STK32B: variants seen among roughly 807,000 people sequenced by gnomAD.
STK32B encodes serine/threonine-protein kinase 32B.
STK32B carries 43 observed loss-of-function variants against 52.6 expected under a neutral mutation model. The observed-to-expected ratio is 0.82, with a 90% CI of 0.64 to 1.05. The LOEUF is 1.05. Among genes scored for constraint, STK32B ranks in the 50% least tolerant of loss-of-function variants. STK32B has a pLI of 0.00. For missense variants in STK32B, 621 were observed against 534.6 expected, an observed-to-expected ratio of 1.16 and a Z score of -1.59; for synonymous variants, 238 against 204.3, an observed-to-expected ratio of 1.17 and a Z score of -1.41.
intron 3 of STK32B, among the ~76,000 whole-genome samples, chr4:5,171,796 G>T (rs1288944738): frequency 6.7e-6 from 1 of 149,586 alleles, no homozygotes; most frequent in Non-Finnish European, 1.5e-5. Flanking sequence ...TGTGGGCTCT[G>T]TTTTGGTTCC....
At chr4:5,353,967 G>C (rs955259138) in intron 4 of STK32B, among the ~76,000 whole-genome samples, 1 of 152,204 alleles carries the variant, frequency 6.6e-6, no homozygotes, top group Non-Finnish European at 1.5e-5. Context: ...CAATTGCGAA[G>C]ATACGGAATC....
At chr4:5,266,794 G>C (rs1347936957) in intron 3 of STK32B, among the ~76,000 whole-genome samples, 1 of 152,118 alleles carries the variant, frequency 6.6e-6, no homozygotes, top group East Asian at 1.9e-4. Flanking sequence ...TTGTGTCTTT[G>C]CAGAGAATAG....
intron 6 of STK32B, among the ~76,000 whole-genome samples, chr4:5,418,660 G>C (rs1712362497): frequency 6.6e-6 from 1 of 152,224 alleles, no homozygotes; most frequent in South Asian, 2.1e-4. Context: ...ACTGGGATGA[G>C]GAGTCCACCA....
At chr4:5,101,213 A>AT (rs923259656) in intron 1 of STK32B, among the ~76,000 whole-genome samples, 1 of 152,066 alleles carries the variant, frequency 6.6e-6, no homozygotes, top group African/African-American at 2.4e-5. Context: ...AGAGGACAAG[A>AT]TTTTTTTCAG....
At chr4:5,179,732 G>A (rs977340914) in intron 3 of STK32B, among the ~76,000 whole-genome samples, 4 of 152,322 alleles carry the variant, frequency 2.6e-5, no homozygotes, top group Admixed American at 6.5e-5. Flanking sequence ...TTGTTATGAA[G>A]GAGAAAAACC....
chr4:5,144,372 T>C (rs1577102734), intron 2 of STK32B, among the ~76,000 whole-genome samples: 1 of 152,300 alleles, frequency 6.6e-6, no homozygotes, highest in East Asian at 1.9e-4. Flanking sequence ...AAATGTTGAT[T>C]CTTTTGTTGC....
At chr4:5,498,798 C>A in intron 11 of STK32B, 147 bp from the exon 12 acceptor site, 1 of 1,225,852 alleles carries the variant, frequency 8.2e-7, no homozygotes, top group Admixed American at 3.4e-5. Context: ...TGCACAGCAC[C>A]GTGGATGCCT....
Position 5,051,562 on chromosome 4 carries a change from G to A in STK32B, c.-302G>A, listed in dbSNP as rs1032441383. 22 of 384,538 alleles carry A rather than the reference G, an allele frequency of 5.7e-5. No homozygotes were observed. The highest frequency in any genetic ancestry group is 9.7e-5 in the Non-Finnish European group (21 of 217,362). The allele number at this position is 384,538 out of a possible 1,614,324, so 23.8% of individuals were successfully genotyped here. A position where few individuals can be genotyped will look rare whatever the true frequency, so the allele number is the denominator to read the frequency against. ...CGAGGAGCGCCGCACGTTGGCCCCG[G>A]CGCGAGGAGCTCCCGGGTTCCCGGG... On this transcript the variant is annotated 5_prime_UTR_variant, in exon 1 of 12. Transcript: ENST00000282908.
At chr4:5,028,472 G>T in the STK32B span, among the ~76,000 whole-genome samples, 429 of 152,324 alleles carry the variant, frequency 2.8e-3, 2 homozygotes, top group South Asian at 7.5e-3. Context: ...ACAAAGTGAC[G>T]TAAGAGAAAG....
intron 11 of STK32B, among the ~76,000 whole-genome samples, chr4:5,489,515 T>C (rs1680196523): frequency 6.6e-6 from 1 of 152,152 alleles, no homozygotes; most frequent in South Asian, 2.1e-4. Flanking sequence ...AAAAGCAAAA[T>C]ATAAAACTGT....
At chr4:5,057,562 C>T (rs1742053606) in intron 1 of STK32B, among the ~76,000 whole-genome samples, 1 of 152,090 alleles carries the variant, frequency 6.6e-6, no homozygotes, top group South Asian at 2.1e-4. Context: ...GTAAAGGGGC[C>T]TAGAGCTTGG....
intron 4 of STK32B, among the ~76,000 whole-genome samples, chr4:5,343,278 C>T (rs1733220278): frequency 6.6e-6 from 1 of 151,980 alleles, no homozygotes; most frequent in African/African-American, 2.4e-5. Flanking sequence ...AGGACATGAC[C>T]TCATCATTTT....
At chr4:5,359,682 C>T (rs1015184267) in intron 4 of STK32B, among the ~76,000 whole-genome samples, 2 of 152,098 alleles carry the variant, frequency 1.3e-5, no homozygotes, top group African/African-American at 2.4e-5. Flanking sequence ...GATACAGGGA[C>T]ATGTGAGTAA....
intron 3 of STK32B, among the ~76,000 whole-genome samples, chr4:5,210,349 T>A (rs1004774656): frequency 1.2e-4 from 18 of 152,184 alleles, no homozygotes; most frequent in African/African-American, 3.9e-4. Flanking sequence ...CCTCGGGCCA[T>A]GCACAACAGC....
chr4:5,106,277 G>C (rs1714103718), intron 1 of STK32B, among the ~76,000 whole-genome samples: 1 of 152,094 alleles, frequency 6.6e-6, no homozygotes, highest in Non-Finnish European at 1.5e-5. Flanking sequence ...CTCCAGCCTG[G>C]ATGACAGAGT....
intron 1 of STK32B, among the ~76,000 whole-genome samples, chr4:5,100,256 G>A (rs372216856): frequency 6.6e-6 from 1 of 152,140 alleles, no homozygotes; most frequent in South Asian, 2.1e-4. Flanking sequence ...AGAGAGGGTG[G>A]CCACTGGCTA....
At chr4:5,273,784 T>G (rs1467206827) in intron 3 of STK32B, among the ~76,000 whole-genome samples, 3 of 136,086 alleles carry the variant, frequency 2.2e-5, no homozygotes, top group Non-Finnish European at 3.1e-5. Flanking sequence ...TAGGTGGGAA[T>G]TGAACAGTGA....
intron 4 of STK32B, among the ~76,000 whole-genome samples, chr4:5,335,267 A>C (rs993752893): frequency 1.2e-4 from 18 of 152,068 alleles, no homozygotes; most frequent in Middle Eastern, 3.2e-3. Flanking sequence ...ATTTGCGTAG[A>C]GGTGTTTGTA....
intron 5 of STK32B, among the ~76,000 whole-genome samples, chr4:5,412,535 G>C (rs113823897): frequency 1.3e-5 from 2 of 152,162 alleles, no homozygotes; most frequent in African/African-American, 4.8e-5. Flanking sequence ...AACGAGATCA[G>C]GACTGTTTGA....
Sources: allele counts gnomAD v4.1 joint callset (sites outside exome capture counted in the v4.1 genomes callset), GRCh38; gene constraint gnomAD v4.1.1; transcripts MANE v1.5; gene names NCBI Gene and HGNC (gene_info 2026-07-23, HGNC 2026-07-21).